The following HERC5 variants were observed in gnomAD, a reference collection of about 807,000 sequenced individuals.
HERC5 encodes HECT and RLD domain containing E3 ubiquitin protein ligase 5.
A neutral mutation model predicts 119.6 loss-of-function variants in HERC5; 99 were observed. The observed-to-expected ratio is 0.83, with a 90% CI of 0.70 to 0.98. The LOEUF is 0.98. Among genes scored for constraint, HERC5 ranks in the 50% least tolerant of loss-of-function variants. The probability of loss-of-function intolerance (pLI) is 0.00; values close to 1 mark genes in which losing one functional copy is unlikely to be tolerated. For missense variants in HERC5, 1,267 were observed against 1,241.3 expected (o/e 1.02, Z -0.31); for synonymous variants, 478 against 445.9 (o/e 1.07, Z -0.91).
At chr4:88,479,704 TAATAA>T (rs970774408) in intron 13 of HERC5, among the ~76,000 whole-genome samples, 197 bp downstream of exon 13, 27 of 151,836 alleles carry the variant, frequency 1.8e-4, no homozygotes, top group Admixed American at 1.7e-3. Context: ...CAAGGAAAAA[TAATAA>T]AATAAACATT....
At chr4:88,457,860 C>T (rs1292386821) in intron 1 of HERC5, 27 of 1,017,212 alleles carry the variant, frequency 2.7e-5, no homozygotes, top group Non-Finnish European at 3.3e-5. Flanking sequence ...TACCCCCGTC[C>T]CCCGCCCGCC....
In HERC5 at chr4:88,466,515, C is replaced by G. The variant is rs576877675; in HGVS notation, c.912-544C>G. On this transcript the variant is annotated intron_variant, in intron 6 of 22. Coordinates refer to ENST00000264350, the MANE Select transcript of HERC5 (RefSeq NM_016323.4). ...CAGGAGAGCTCTCCCAGGATCCTGC[C>G]ATGAATAATAAAGACTCTCCTCTAT... Among the ~76,000 whole-genome samples, 6 of 152,294 alleles carry G rather than the reference C, an allele frequency of 3.9e-5. No individual in the cohort carries two copies. The South Asian group carries it at 1.2e-3, about 32-fold the overall frequency.
rs1030249692 is a variant in HERC5, at chr4:88,458,616, T to G, written c.266-731T>G. On this transcript the variant is annotated intron_variant, in intron 1 of 22. Coordinates refer to ENST00000264350, the MANE Select transcript of HERC5 (RefSeq NM_016323.4). ...TATTACCAAACTGTTTTGGTTCCCC[T>G]AGCATTTGTAATATGGTTTGTGCTT... is the stretch of plus-strand genomic sequence containing the variant. Among the ~76,000 whole-genome samples the G allele has an allele frequency of 5.9e-5, 9 of 152,312 alleles. 1 individual carries two copies. Among genetic ancestry groups the G allele is most frequent in the Middle Eastern group, 3.4e-3 (1 of 294 alleles).
In HERC5 at chr4:88,505,773, A is replaced by C. The variant is rs1285626367; in HGVS notation, c.2970A>C (p.Arg990Ser). ...PESWNERDPI[R>S]ALTCFSVLFL... is the part of the protein sequence containing the mutation. Reference sequence around the variant, plus strand: ...GTTGGAATGAAAGAGACCCTATAAGAGCACTGACATGTTTCAGTGTCCTCT... The same window carrying C: ...GTTGGAATGAAAGAGACCCTATAAGCGCACTGACATGTTTCAGTGTCCTCT... Residue 990 changes from arginine (R) to serine (S), a missense_variant, in exon 23 of 23, where the codon AGA (arginine) becomes AGC (serine). Around this residue, in one of 3 missense-constraint regions of HERC5, gnomAD observed 473 missense variants for 445.7 expected, o/e 1.06. Transcript: ENST00000264350. 1 of 1,607,312 alleles carries C rather than the reference A, an allele frequency of 6.2e-7. No homozygotes were observed.
At chr4:88,474,538 C>T (rs1164195519) in intron 11 of HERC5, among the ~76,000 whole-genome samples, 3 of 152,198 alleles carry the variant, frequency 2.0e-5, no homozygotes, top group South Asian at 4.1e-4. Flanking sequence ...GTCAGGTATA[C>T]GTAACTCCAA....
chr4:88,465,566 G>A (rs1238163558), intron 6 of HERC5, among the ~76,000 whole-genome samples: 2 of 151,916 alleles, frequency 1.3e-5, no homozygotes, highest in South Asian at 2.1e-4. Context: ...TACCTCATTC[G>A]GTATCTCTTA....
In HERC5 at chr4:88,493,153, A is replaced by G. The variant is rs780616858; in HGVS notation, c.2275A>G (p.Lys759Glu). Residue 759 changes from lysine (K) to glutamate (E), a missense_variant and splice_region_variant, in exon 17 of 23, where the codon AAG becomes GAG. Physicochemically the swap from Lys to Glu is moderately conservative, Grantham distance 56. This residue lies in a region of HERC5 where 473 missense variants were observed against 445.7 expected (regional missense o/e 1.06). Transcript: ENST00000264350. ...EGASCMWFPV[K>E]PKFEKKRYFF... ...GGCTTCCTGCATGTGGTTTCCTGTC[A>G]AGGTAAGTTCCCTCTTCTTTGCTTA... 23 of 1,613,660 alleles carry G rather than the reference A, an allele frequency of 1.4e-5. No individual in the cohort carries two copies. The highest frequency in any genetic ancestry group is 1.9e-5 in the Non-Finnish European group (22 of 1,179,842).
intron 11 of HERC5, chr4:88,473,641 A>G (rs1212519702): frequency 6.6e-6 from 1 of 152,164 alleles, no homozygotes; most frequent in Non-Finnish European, 1.5e-5. Flanking sequence ...GAAACTACTC[A>G]GTGGACTATT....
chr4:88,487,379 C>T (rs1405673201), intron 15 of HERC5, among the ~76,000 whole-genome samples, 200 bp downstream of exon 15: 2 of 152,102 alleles, frequency 1.3e-5, no homozygotes, highest in Admixed American at 6.5e-5. Context: ...AAATTAGGGC[C>T]TTGGTAGCAA....
At chr4:88,475,503 G>A (rs1253983639) in intron 11 of HERC5, among the ~76,000 whole-genome samples, 1 of 151,824 alleles carries the variant, frequency 6.6e-6, no homozygotes, top group Non-Finnish European at 1.5e-5. Context: ...ATTTTAAGTA[G>A]AGACAGGGTT....
chr4:88,478,104 T>G (rs1164099791), intron 12 of HERC5, among the ~76,000 whole-genome samples: 1 of 152,210 alleles, frequency 6.6e-6, no homozygotes. Context: ...ATTAGTAGTA[T>G]TTTTTAATAG....
At chr4:88,457,686 C>A in intron 1 of HERC5, 152 bp downstream of exon 1, 1 of 913,222 alleles carries the variant, frequency 1.1e-6, no homozygotes, top group East Asian at 3.3e-5. Context: ...GCCGACGGCG[C>A]ACCTGAGCTG....
In HERC5 at chr4:88,493,045, G is replaced by A. The variant is rs148027798; in HGVS notation, c.2167G>A (p.Gly723Arg). 189 of 1,613,898 alleles carry A rather than the reference G, an allele frequency of 1.2e-4. No homozygotes were observed. In the African/African-American group the frequency reaches 1.7e-3, roughly 14 times the overall value. Residue 723 changes from glycine to arginine, a missense_variant, in exon 17 of 23, where the codon GGA becomes AGA. Physicochemically the swap from Gly to Arg is moderately radical, Grantham distance 125. Around this residue, in one of 3 missense-constraint regions of HERC5, gnomAD observed 473 missense variants for 445.7 expected, o/e 1.06. Coordinates refer to ENST00000264350, the MANE Select transcript of HERC5 (RefSeq NM_016323.4). ...TAGTGGAGAAATTGGGTATGACCTCGGAGGAGTCAAGAAAGAGTTCTTCTA... is the reference window on the plus strand; with the variant it reads ...TAGTGGAGAAATTGGGTATGACCTCAGAGGAGTCAAGAAAGAGTTCTTCTA... ...SFSGEIGYDL[G>R]GVKKEFFYCL...
intron 6 of HERC5, 25 bp downstream of exon 6, chr4:88,464,010 A>G (rs1382531402): frequency 1.9e-6 from 3 of 1,599,866 alleles, no homozygotes; most frequent in Non-Finnish European, 2.6e-6. Context: ...ATCAATAAGA[A>G]TTGATAAAAT....
Position 88,462,215 on chromosome 4 carries a change from C to A in HERC5, c.547C>A (p.Gln183Lys), listed in dbSNP as rs996627731. 6.2e-7 allele frequency: 1 copy of A among 1,614,082 alleles called. No individual in the cohort carries two copies. Among genetic ancestry groups the A allele is most frequent in the Non-Finnish European group, 8.5e-7 (1 of 1,180,038 alleles). ...GAAATTTCCCTCAACCACCACACCA[C>A]AGATTGTGGAGCACCTCGCAGGAGT... is the stretch of plus-strand genomic sequence containing the variant. ...GRKFPSTTTP[Q>K]IVEHLAGVPL... Residue 183 changes from glutamine to lysine, a missense_variant, in exon 4 of 23, where the codon CAG (glutamine) becomes AAG (lysine). By Grantham distance (53) the Gln-to-Lys change is moderately conservative. This residue lies in a region of HERC5 where 777 missense variants were observed against 758.0 expected (regional missense o/e 1.03). Transcript: ENST00000264350.
At chr4:88,492,255 C>T (rs1206122553) in intron 16 of HERC5, among the ~76,000 whole-genome samples, 2 of 151,804 alleles carry the variant, frequency 1.3e-5, no homozygotes, top group Non-Finnish European at 2.9e-5. Context: ...CCGCCCACCT[C>T]GGCCTCCCAA....
rs149253362 is a variant in HERC5, at chr4:88,473,904, T to C, written c.1392+1402T>C. 6.6e-5 allele frequency: 10 copies of C among 152,336 alleles called. No individual in the cohort carries two copies. The East Asian group carries it at 1.4e-3, about 21-fold the overall frequency. 9.4% of individuals were successfully genotyped at this position (152,336 alleles called of 1,614,324 possible). A position where few individuals can be genotyped will look rare whatever the true frequency, so the allele number is the denominator to read the frequency against. On this transcript the variant is annotated intron_variant, in intron 11 of 22. Transcript: ENST00000264350. ...AAGAACATATGGTATGTAAATGAAA[T>C]AATCATAGGGCATCCTTGACCTCCA...
Position 88,489,212 on chromosome 4 carries a change from A to G in HERC5, c.2009A>G (p.Glu670Gly). The change falls in exon 16 of 23, where the codon GAA becomes GGA. Residue 670 changes from glutamate to glycine, a missense_variant. By Grantham distance (98) the Glu-to-Gly change is moderately conservative. Coordinates refer to ENST00000264350, the MANE Select transcript of HERC5 (RefSeq NM_016323.4). ...AYLRSAAIEE[E>G]RESEFALRPT... ...CTTAGGTCGGCAGCAATTGAGGAAG[A>G]AAGAGAGTCTGAATTCGCTTTGAGG... 6.2e-7 allele frequency: 1 copy of G among 1,613,894 alleles called. No homozygotes were observed. Among genetic ancestry groups the G allele is most frequent in the Non-Finnish European group, 8.5e-7 (1 of 1,179,900 alleles).
intron 6 of HERC5, among the ~76,000 whole-genome samples, chr4:88,466,104 T>TG (rs1740656307): frequency 6.6e-6 from 1 of 151,538 alleles, no homozygotes; most frequent in South Asian, 2.1e-4. Context: ...TTTTTTTTTT[T>TG]GAGACAAGGT....
Sources: allele counts gnomAD v4.1 joint callset (sites outside exome capture counted in the v4.1 genomes callset), GRCh38; gene constraint gnomAD v4.1.1; regional missense constraint gnomAD v4.1.1; transcripts MANE v1.5; gene names NCBI Gene and HGNC (gene_info 2026-07-23, HGNC 2026-07-21).